Variants in SGCD observed in about 807,000 individuals in gnomAD.
The protein encoded by SGCD is sarcoglycan delta.
In SGCD, 18 loss-of-function variants were observed where a neutral mutation model predicts 36.6. The observed-to-expected ratio is 0.49, with a 90% CI of 0.34 to 0.73. The LOEUF is 0.73. SGCD is among the 30% of genes least tolerant of loss of function. The pLI, the probability that SGCD is intolerant of heterozygous loss-of-function variation, is 0.01. For synonymous variants in SGCD, 133 were observed against 130.6 expected (o/e 1.02, Z -0.12); for missense variants, 387 against 346.7 (o/e 1.12, Z -0.92).
chr5:155,851,025 T>C, the SGCD span, among the ~76,000 whole-genome samples: 1 of 152,200 alleles, frequency 6.6e-6, no homozygotes, highest in African/African-American at 2.4e-5. Flanking sequence ...ATCCATTTTA[T>C]CTGATTTCCT....
At chr5:156,239,729 T>A (rs1292345345) in intron 3 of SGCD, among the ~76,000 whole-genome samples, 2 of 152,160 alleles carry the variant, frequency 1.3e-5, no homozygotes, top group African/African-American at 4.8e-5. Flanking sequence ...GTGAAGAAAG[T>A]ATTTATTCTC....
chr5:156,323,339 T>G (rs1448999270), upstream of SGCD, among the ~76,000 whole-genome samples: 1 of 152,174 alleles, frequency 6.6e-6, no homozygotes, highest in Non-Finnish European at 1.5e-5. Context: ...AACTGAAATA[T>G]TCCCAGGAAA....
At chr5:156,614,482 A>T (rs1761950543) in intron 6 of SGCD, among the ~76,000 whole-genome samples, 1 of 152,124 alleles carries the variant, frequency 6.6e-6, no homozygotes, top group Non-Finnish European at 1.5e-5. Flanking sequence ...CTTTTTGGCT[A>T]CTGGATGCTC....
At chr5:156,728,793 C>T (rs957068247) in intron 7 of SGCD, among the ~76,000 whole-genome samples, 2 of 152,016 alleles carry the variant, frequency 1.3e-5, no homozygotes, top group Non-Finnish European at 2.9e-5. Flanking sequence ...TAAACATGCT[C>T]CAAAATCACC....
intron 3 of SGCD, among the ~76,000 whole-genome samples, chr5:156,395,163 T>C (rs79166346): frequency 0.014 from 2,079 of 152,358 alleles, 21 homozygotes; most frequent in Non-Finnish European, 0.023. Context: ...AAGCCATCAC[T>C]TTCATTTTGG....
the SGCD span, among the ~76,000 whole-genome samples, chr5:155,755,707 G>A: frequency 6.6e-6 from 1 of 152,146 alleles, no homozygotes; most frequent in East Asian, 1.9e-4. Flanking sequence ...TTGTAACCCT[G>A]ACAATATTTC....
chr5:156,637,273 C>T (rs1762863654), intron 6 of SGCD, among the ~76,000 whole-genome samples: 2 of 152,148 alleles, frequency 1.3e-5, no homozygotes, highest in Admixed American at 6.6e-5. Flanking sequence ...CCATGCTGAA[C>T]CATGAGTCAA....
chr5:156,215,511 T>G (rs950115516), intron 3 of SGCD, among the ~76,000 whole-genome samples: 1 of 152,110 alleles, frequency 6.6e-6, no homozygotes, highest in African/African-American at 2.4e-5. Flanking sequence ...GATTTACAAA[T>G]GGACAAAGGA....
At chr5:156,074,494 C>T (rs1178554969) in intron 1 of SGCD, among the ~76,000 whole-genome samples, 2 of 152,000 alleles carry the variant, frequency 1.3e-5, no homozygotes, top group Non-Finnish European at 2.9e-5. Context: ...TCAGCCTGGA[C>T]AGCGTGGGGA....
At chr5:156,071,704 T>C (rs1350453070) in intron 1 of SGCD, among the ~76,000 whole-genome samples, 1 of 152,194 alleles carries the variant, frequency 6.6e-6, no homozygotes, top group Non-Finnish European at 1.5e-5. Context: ...TTCTGTCTCA[T>C]TGATCTGTCT....
the SGCD span, among the ~76,000 whole-genome samples, chr5:155,754,244 C>T: frequency 9.5e-3 from 1,450 of 152,288 alleles, 21 homozygotes; most frequent in African/African-American, 0.033. Context: ...TGCTTTGTCT[C>T]CATCATGGGC....
intron 7 of SGCD, among the ~76,000 whole-genome samples, chr5:156,675,118 G>A (rs1057007360): frequency 4.6e-5 from 7 of 152,132 alleles, no homozygotes; most frequent in African/African-American, 1.7e-4. Flanking sequence ...ACCAGATCCT[G>A]CCTTTGTCAC....
At chr5:155,799,406 T>G in the SGCD span, among the ~76,000 whole-genome samples, 1 of 151,890 alleles carries the variant, frequency 6.6e-6, no homozygotes, top group Non-Finnish European at 1.5e-5. Context: ...ATTTTTTTTT[T>G]TTTTTGAGAT....
At chr5:156,708,853 G>A (rs887394894) in intron 7 of SGCD, among the ~76,000 whole-genome samples, 2 of 152,030 alleles carry the variant, frequency 1.3e-5, no homozygotes, top group East Asian at 3.9e-4. Flanking sequence ...TCTTAGAGAA[G>A]TGACAAGACA....
chr5:156,378,844 G>A (rs1427347948), intron 3 of SGCD, among the ~76,000 whole-genome samples: 1 of 152,058 alleles, frequency 6.6e-6, no homozygotes, highest in Non-Finnish European at 1.5e-5. Context: ...ATAGAGTTCT[G>A]TATAGGTTAA....
At chr5:156,487,615 C>T (rs1364957266) in intron 3 of SGCD, among the ~76,000 whole-genome samples, 1 of 150,874 alleles carries the variant, frequency 6.6e-6, no homozygotes, top group African/African-American at 2.4e-5. Context: ...TGGTGAAACC[C>T]CATCTCTACT....
intron 4 of SGCD, among the ~76,000 whole-genome samples, chr5:156,538,864 G>A (rs1198950541): frequency 2.6e-5 from 4 of 151,970 alleles, no homozygotes; most frequent in African/African-American, 7.2e-5. Context: ...CTTTGTTCCA[G>A]TATTAATTCC....
chr5:155,937,387 C>G (rs1757231775), intron 1 of SGCD, among the ~76,000 whole-genome samples: 2 of 152,148 alleles, frequency 1.3e-5, no homozygotes, highest in African/African-American at 4.8e-5. Context: ...CCTCCTAAAG[C>G]CTACTTTCTC....
chr5:156,576,719 T>C (rs1581194489), intron 4 of SGCD, among the ~76,000 whole-genome samples: 1 of 152,340 alleles, frequency 6.6e-6, no homozygotes, highest in Middle Eastern at 3.4e-3. Context: ...TGCATAAATG[T>C]CTTCTTTTGA....
Sources: allele counts gnomAD v4.1 joint callset (sites outside exome capture counted in the v4.1 genomes callset), GRCh38; gene constraint gnomAD v4.1.1; transcripts MANE v1.5; gene names NCBI Gene and HGNC (gene_info 2026-07-23, HGNC 2026-07-21).